The following SOAT2 variants were observed in gnomAD, a reference collection of about 807,000 sequenced individuals.
SOAT2 encodes the protein ACAT-2.
SOAT2 carries 87 observed loss-of-function variants against 76.0 expected under a neutral mutation model. The observed-to-expected ratio is 1.14, with a 90% CI of 0.96 to 1.37. The LOEUF is 1.37. SOAT2 is among the 40% of genes most tolerant of loss of function. SOAT2 has a pLI of 0.00. For missense variants in SOAT2, 686 were observed against 682.1 expected (o/e 1.01, Z -0.06); for synonymous variants, 285 against 275.4 (o/e 1.03, Z -0.34).
intron 4 of SOAT2, 136 bp from the exon 5 acceptor site, chr12:53,105,771 C>T (rs558329316): frequency 9.7e-7 from 1 of 1,030,064 alleles, no homozygotes; most frequent in African/African-American, 1.6e-5. Context: ...TTGCCCTAGG[C>T]ATGGTTGTGG....
rs371524469 is a variant in SOAT2 at position 53,115,673 on chromosome 12, T to A, written c.708+19T>A. On this transcript the variant is annotated intron_variant, in intron 6 of 14. Transcript: ENST00000301466. ...CGAGCAGGTGAGGGCCGAGCCCTGC[T>A]GACGGACAGGAAGGAACCAGCTGGT... 4.1e-5 allele frequency: 62 copies of A among 1,495,314 alleles called. No individual in the cohort carries two copies. Among genetic ancestry groups the A allele is most frequent in the Non-Finnish European group, 5.1e-5 (57 of 1,128,272 alleles). The allele number at this position is 1,495,314 out of a possible 1,614,324, so 92.6% of individuals were successfully genotyped here.
At chr12:53,107,295 C>T (rs998234410) in intron 5 of SOAT2, among the ~76,000 whole-genome samples, 5 of 145,386 alleles carry the variant, frequency 3.4e-5, no homozygotes, top group Admixed American at 1.3e-4. Flanking sequence ...TTGATTTGTT[C>T]GCAGTAGCAC....
intron 4 of SOAT2, 123 bp from the exon 5 acceptor site, chr12:53,105,783 AG>A (rs1238073170): frequency 2.1e-6 from 2 of 946,362 alleles, no homozygotes; most frequent in African/African-American, 6.8e-5. Context: ...TGGTTGTGGA[AG>A]AAAGGCCTTT....
intron 5 of SOAT2, 37 bp downstream of exon 5, chr12:53,106,051 C>G (rs763123487): frequency 3.4e-6 from 5 of 1,462,560 alleles, no homozygotes; most frequent in Non-Finnish European, 4.8e-6. Flanking sequence ...GCACACCTAT[C>G]TGATCAGACC....
In SOAT2 at chr12:53,119,171, T is replaced by C. The variant is rs1236846543; in HGVS notation, c.957T>C (p.Cys319=). The change falls in exon 10 of 15, where the codon TGT becomes TGC. Residue 319 remains cysteine (C), a synonymous_variant. Coordinates refer to ENST00000301466, the MANE Select transcript of SOAT2 (RefSeq NM_003578.4). ...CCTGCTTCATCCTGGGCCGCCTCTG[T>C]GTTCCTGTCTTTGCCAACATGAGCC... is the stretch of plus-strand genomic sequence containing the variant. ...LYACFILGRL[C]VPVFANMSRE... 6.2e-7 allele frequency: 1 copy of C among 1,613,824 alleles called. No homozygotes were observed. Among genetic ancestry groups the C allele is most frequent in the African/African-American group, 1.3e-5 (1 of 74,854 alleles).
intron 1 of SOAT2, 72 bp downstream of exon 1, chr12:53,103,731 G>C: frequency 8.1e-7 from 1 of 1,239,054 alleles, no homozygotes; most frequent in Non-Finnish European, 1.1e-6. Flanking sequence ...GCTATGGAGA[G>C]AAGGCTCCAA....
chr12:53,112,545 C>CA (rs71095977), intron 5 of SOAT2, among the ~76,000 whole-genome samples: 709 of 58,040 alleles, frequency 0.012, 19 homozygotes, highest in South Asian at 0.08. Context: ...AACTCTGTCT[C>CA]AAAAAAAAAA....
At position 53,120,800 on chromosome 12, in the gene SOAT2, C is replaced by A. The variant is rs1315191741; in HGVS notation, c.1054C>A (p.Leu352Met). ...CCAACCACCAGGCATCTTCATGCTGCTGCTCATCTTCTTTGCCTTCCTCCA... is the reference window on the plus strand; with the variant it reads ...CCAACCACCAGGCATCTTCATGCTGATGCTCATCTTCTTTGCCTTCCTCCA... The part of the protein sequence containing the change: ...HATLPGIFML[L>M]LIFFAFLHCW... The change falls in exon 11 of 15, where the codon CTG becomes ATG. Residue 352 changes from leucine to methionine, a missense_variant. Leu to Met is a conservative substitution (Grantham distance 15). Coordinates refer to ENST00000301466, the MANE Select transcript of SOAT2 (RefSeq NM_003578.4). The A allele has an allele frequency of 1.2e-6, 2 of 1,613,820 alleles. No individual in the cohort carries two copies. Among genetic ancestry groups the A allele is most frequent in the African/African-American group, 2.7e-5 (2 of 74,912 alleles).
chr12:53,118,971 C>T (rs1938146944), intron 9 of SOAT2, 36 bp downstream of exon 9: 2 of 1,613,196 alleles, frequency 1.2e-6, no homozygotes, highest in Non-Finnish European at 1.7e-6. Context: ...ACCTGTGACT[C>T]ATGGTGGTGG....
In SOAT2 at chr12:53,119,137, TG is replaced by T. The variant is rs1304284240; in HGVS notation, c.924del (p.Leu309SerfsTer18). The T allele has an allele frequency of 6.2e-7, 1 of 1,613,964 alleles. No homozygotes were observed. The highest frequency in any genetic ancestry group is 1.3e-5 in the African/African-American group (1 of 74,982). On this transcript the variant is annotated frameshift_variant, in exon 10 of 15. Transcript: ENST00000301466. LOFTEE classifies it high-confidence loss of function. The part of the protein sequence containing the change: ...AKNFAQALGC[V>X]LYACFILGRL... ...TGCCCCCTCCAGGCCCTGGGATGTG[TG>T]CTCTATGCCTGCTTCATCCTGGGCC...
chr12:53,123,606 T>C (rs879250512), intron 13 of SOAT2, 122 bp from the exon 14 acceptor site: 1 of 1,201,560 alleles, frequency 8.3e-7, no homozygotes, highest in Non-Finnish European at 1.2e-6. Flanking sequence ...TGCACCTGAG[T>C]TCAAGATCTT....
At chr12:53,107,243 C>A (rs948565030) in intron 5 of SOAT2, among the ~76,000 whole-genome samples, 23 of 151,966 alleles carry the variant, frequency 1.5e-4, no homozygotes, top group South Asian at 2.1e-4. Flanking sequence ...GAGAGGGGGT[C>A]GTCGTTATGG....
chr12:53,115,734 G>C (rs981414871), intron 6 of SOAT2, 80 bp downstream of exon 6: 32 of 1,420,076 alleles, frequency 2.3e-5, no homozygotes, highest in African/African-American at 4.3e-5. Flanking sequence ...CCCCCAAAGA[G>C]GGGGCGGGGC....
rs763317202 is a variant in SOAT2, at chr12:53,116,154, C to G, written c.766C>G (p.Arg256Gly). The G allele has an allele frequency of 1.9e-6, 3 of 1,613,978 alleles. No individual in the cohort carries two copies. The South Asian group carries it at 3.3e-5, about 18-fold the overall frequency. ...FLREAVPGTLRARRGEGIQAP... is the reference protein window; with the variant it reads ...FLREAVPGTLGARRGEGIQAP... ...GAGAGAGGCTGTGCCTGGGACCCTTCGTGCCAGACGAGGTGAGGCCTTCAT... is the reference window on the plus strand; with the variant it reads ...GAGAGAGGCTGTGCCTGGGACCCTTGGTGCCAGACGAGGTGAGGCCTTCAT... The change falls in exon 7 of 15, where the codon CGT (arginine) becomes GGT (glycine). Residue 256 changes from arginine (R) to glycine (G), a missense_variant. By Grantham distance (125) the Arg-to-Gly change is moderately radical. Transcript: ENST00000301466.
rs541356072 is a variant in SOAT2, at chr12:53,124,006, C to T, written c.1519-67C>T. 1.0e-5 allele frequency: 16 copies of T among 1,605,302 alleles called. 1 individual carries two copies. The highest frequency in any genetic ancestry group is 2.2e-5 in the South Asian group (2 of 90,820). On this transcript the variant is annotated intron_variant, in intron 14 of 14. Coordinates refer to ENST00000301466, the MANE Select transcript of SOAT2 (RefSeq NM_003578.4). Reference sequence around the variant, plus strand: ...CTGGCTTGGGGGTGATGGACTCTCACGTCTTGGATGCATGGGTTGAGTCAC... The same window carrying T: ...CTGGCTTGGGGGTGATGGACTCTCATGTCTTGGATGCATGGGTTGAGTCAC...
Position 53,121,319 on chromosome 12 carries a change from C to A in SOAT2, c.1154C>A (p.Thr385Lys), listed in dbSNP as rs775425621. Residue 385 changes from threonine (T) to lysine (K), a missense_variant, in exon 12 of 15, where the codon ACG becomes AAG. Physicochemically the swap from Thr to Lys is moderately conservative, Grantham distance 78 (BLOSUM62 -1). Transcript: ENST00000301466. ...CTTCTCCAGGACTGGTGGAACTCAA[C>A]GTCCTTCTCCAACTACTACCGCACT... ...RMFYRDWWNS[T>K]SFSNYYRTWN... 6.2e-7 allele frequency: 1 copy of A among 1,613,994 alleles called. No individual in the cohort carries two copies. Among genetic ancestry groups the A allele is most frequent in the Middle Eastern group, 1.6e-4 (1 of 6,062 alleles).
rs774086246 is a variant in SOAT2, at chr12:53,123,200, CTTCCTT to C, written c.1357_1362del (p.Phe453_Leu454del). 6.2e-7 allele frequency: 1 copy of C among 1,614,012 alleles called. No individual in the cohort carries two copies. Among genetic ancestry groups the C allele is most frequent in the South Asian group, 1.1e-5 (1 of 91,082 alleles). On this transcript the variant is annotated inframe_deletion, in exon 13 of 15. Transcript: ENST00000301466. Reference sequence around the variant, plus strand: ...TCTTCTATCCCGTCATGCTGATACTCTTCCTTGTCATTGGAGGTGAGCTGGTCTCTG... The same window carrying C: ...TCTTCTATCCCGTCATGCTGATACTCGTCATTGGAGGTGAGCTGGTCTCTG...
At chr12:53,123,940 C>T (rs1346530897) in intron 14 of SOAT2, 67 bp downstream of exon 14, 1 of 1,608,316 alleles carries the variant, frequency 6.2e-7, no homozygotes, top group African/African-American at 1.3e-5. Flanking sequence ...GCCAGTCCCT[C>T]CTTGTTCCCC....
intron 5 of SOAT2, among the ~76,000 whole-genome samples, chr12:53,112,269 G>A (rs1028670257): frequency 7.9e-5 from 12 of 152,162 alleles, no homozygotes; most frequent in Admixed American, 6.5e-5. Flanking sequence ...GGTCCTGGCC[G>A]GGTGTGGTGG....
Sources: allele counts gnomAD v4.1 joint callset (sites outside exome capture counted in the v4.1 genomes callset), GRCh38; gene constraint gnomAD v4.1.1; transcripts MANE v1.5; gene names NCBI Gene and HGNC (gene_info 2026-07-23, HGNC 2026-07-21).